Variants in RUSC2 observed in about 807,000 individuals in gnomAD.
RUSC2 encodes RUN and SH3 domain containing 2, also known as AP-4 complex accessory subunit RUSC2.
Under a neutral mutation model 122.2 loss-of-function variants are expected in RUSC2, and 34 were observed. The observed-to-expected ratio is 0.28, with a 90% CI of 0.21 to 0.37. The LOEUF (loss-of-function observed/expected upper bound fraction) is 0.37, where lower values mean the gene tolerates loss of function less well. Ranked by LOEUF, RUSC2 falls within the 10% of genes least tolerant of loss-of-function variation. The pLI, the probability that RUSC2 is intolerant of heterozygous loss-of-function variation, is 1.00. For synonymous variants in RUSC2, 784 were observed against 790.0 expected (o/e 0.99, Z 0.13); for missense variants, 1,747 against 1,952.4 (o/e 0.89, Z 1.98).
intron 2 of RUSC2, among the ~76,000 whole-genome samples, chr9:35,552,651 C>T (rs1053262590): frequency 1.3e-5 from 2 of 152,118 alleles, no homozygotes; most frequent in Admixed American, 1.3e-4. Flanking sequence ...CTCACTCCTC[C>T]GAACCAGTGA....
chr9:35,561,267 G>A lies in RUSC2; in HGVS notation c.4436G>A (p.Arg1479Gln), dbSNP rs766019007. The A allele has an allele frequency of 8.9e-5, 143 of 1,614,068 alleles. No individual in the cohort carries two copies. The East Asian group carries it at 2.7e-3, about 30-fold the overall frequency. ...GGAGACATCCTACGAGTGCTGGGGC[G>A]AGCTGGAGGAGACTGGCTGCGCTGC... ...HKGDILRVLGRAGGDWLRCSR... is the reference protein window; with the variant it reads ...HKGDILRVLGQAGGDWLRCSR... Residue 1479 changes from arginine to glutamine, a missense_variant, in exon 12 of 12, where the codon CGA becomes CAA. By Grantham distance (43) the Arg-to-Gln change is conservative. Coordinates refer to ENST00000361226, the MANE Select transcript of RUSC2 (RefSeq NM_014806.5).
chr9:35,511,832 T>G (rs1158260318), intron 1 of RUSC2, among the ~76,000 whole-genome samples: 2 of 152,214 alleles, frequency 1.3e-5, no homozygotes, highest in Non-Finnish European at 2.9e-5. Flanking sequence ...AAAAGATATA[T>G]ATCAGGTTTA....
Position 35,546,482 on chromosome 9 carries a change from G to C in RUSC2, c.-40G>C. On this transcript the variant is annotated 5_prime_UTR_variant, in exon 2 of 12. Transcript: ENST00000361226. The surrounding 1 kb of genome is among the most constrained non-coding windows in gnomAD (Gnocchi z 4.3). ...TCTGCCCCACTGGGCTCCAGGGACAGTGTCTGGTGCTGTTGAAGCCCTTAT... is the reference window on the plus strand; with the variant it reads ...TCTGCCCCACTGGGCTCCAGGGACACTGTCTGGTGCTGTTGAAGCCCTTAT... The C allele has an allele frequency of 7.5e-7, 1 of 1,337,106 alleles. No homozygotes were observed. The highest frequency in any genetic ancestry group is 9.7e-7 in the Non-Finnish European group (1 of 1,032,850). The allele number at this position is 1,337,106 out of a possible 1,614,324, so 82.8% of individuals were successfully genotyped here. A position where few individuals can be genotyped will look rare whatever the true frequency, so the allele number is the denominator to read the frequency against.
At chr9:35,496,107 A>C (rs1396426502) in intron 1 of RUSC2, among the ~76,000 whole-genome samples, 3 of 152,146 alleles carry the variant, frequency 2.0e-5, no homozygotes, top group African/African-American at 7.2e-5. Context: ...GTGGTTGAGT[A>C]AGCAGTGGAG....
Position 35,561,147 on chromosome 9 carries a change from G to T in RUSC2, c.4350-34G>T, listed in dbSNP as rs770111335. 1.2e-5 allele frequency: 20 copies of T among 1,613,270 alleles called. No individual in the cohort carries two copies. In the Admixed American group the frequency reaches 3.0e-4, roughly 24 times the overall value. On this transcript the variant is annotated intron_variant, in intron 11 of 11. Coordinates refer to ENST00000361226, the MANE Select transcript of RUSC2 (RefSeq NM_014806.5). ...TGAGGGGGGCGGGGGGCTTTTGAGG[G>T]GGTTTCTCTGACCTCCATGTGCTGT...
chr9:35,561,439 G>T lies in RUSC2; in HGVS notation c.*57G>T. 6.9e-7 allele frequency: 1 copy of T among 1,449,418 alleles called. No homozygotes were observed. 89.8% of individuals were successfully genotyped at this position (1,449,418 alleles called of 1,614,324 possible). A position where few individuals can be genotyped will look rare whatever the true frequency, so the allele number is the denominator to read the frequency against. On this transcript the variant is annotated 3_prime_UTR_variant, in exon 12 of 12. Transcript: ENST00000361226. The stretch of plus-strand genomic sequence containing the variant: ...CTCATAACCCCCAGACTCAGAGCCC[G>T]AGAGCCCTTCCCAAGCCATTGGCTT...
chr9:35,552,625 A>T (rs943640306), intron 2 of RUSC2, among the ~76,000 whole-genome samples: 6 of 152,228 alleles, frequency 3.9e-5, no homozygotes, highest in Non-Finnish European at 7.3e-5. Context: ...CTCCAGAAAG[A>T]AAGAGTGGAT....
chr9:35,537,626 C>T (rs1821556410), intron 1 of RUSC2, among the ~76,000 whole-genome samples: 1 of 152,192 alleles, frequency 6.6e-6, no homozygotes, highest in Non-Finnish European at 1.5e-5. Context: ...ATGGGTGTCA[C>T]AGGGAATAGG....
chr9:35,495,983 G>T (rs911268147), intron 1 of RUSC2, among the ~76,000 whole-genome samples: 5 of 152,040 alleles, frequency 3.3e-5, no homozygotes, highest in South Asian at 2.1e-4. Flanking sequence ...TAGTGTTTAG[G>T]CATACAGCTG....
chr9:35,505,566 T>C lies in RUSC2; in HGVS notation c.-93+15394T>C, dbSNP rs537356494. 3.3e-5 allele frequency among the ~76,000 whole-genome samples: 5 copies of C among 152,300 alleles called. No individual in the cohort carries two copies. In the East Asian group the frequency reaches 5.8e-4, roughly 18 times the overall value. On this transcript the variant is annotated intron_variant, in intron 1 of 11. Transcript: ENST00000361226. ...ACCATAAACTCCATGAGGACAAGAATAGAGTCTTTGAATCCAGGGTCTCTC... is the reference window on the plus strand; with the variant it reads ...ACCATAAACTCCATGAGGACAAGAACAGAGTCTTTGAATCCAGGGTCTCTC...
intron 1 of RUSC2, among the ~76,000 whole-genome samples, chr9:35,516,379 A>G (rs1158757759): frequency 6.6e-6 from 1 of 152,068 alleles, no homozygotes; most frequent in Non-Finnish European, 1.5e-5. Context: ...GCCATACCAC[A>G]TATAGAATGG....
chr9:35,500,710 T>G (rs1276016774), intron 1 of RUSC2, among the ~76,000 whole-genome samples: 1 of 152,242 alleles, frequency 6.6e-6, no homozygotes, highest in Non-Finnish European at 1.5e-5. Flanking sequence ...ATGTGACCAC[T>G]TTGAAGGACA....
chr9:35,490,897 C>T (rs1820553879), intron 1 of RUSC2, among the ~76,000 whole-genome samples: 1 of 152,206 alleles, frequency 6.6e-6, no homozygotes, highest in Non-Finnish European at 1.5e-5. Context: ...CGGTACACTA[C>T]TCATCTTTGT....
intron 1 of RUSC2, among the ~76,000 whole-genome samples, chr9:35,543,369 C>T (rs1821681030): frequency 1.3e-5 from 2 of 152,044 alleles, no homozygotes; most frequent in South Asian, 4.1e-4. Context: ...CTGCAGTGAG[C>T]CATGATCGCA....
At chr9:35,508,292 G>T (rs1042640042) in intron 1 of RUSC2, among the ~76,000 whole-genome samples, 5 of 152,124 alleles carry the variant, frequency 3.3e-5, no homozygotes, top group African/African-American at 1.2e-4. Flanking sequence ...GATCACAATT[G>T]GTTGCTTACT....
At chr9:35,515,998 T>TCAAAAAAAAAAAAAA (rs1821095079) in intron 1 of RUSC2, among the ~76,000 whole-genome samples, 1 of 17,748 alleles carries the variant, frequency 5.6e-5, no homozygotes, top group Non-Finnish European at 1.1e-4. Context: ...GATTCTTGTC[T>TCAAAAAAAAAAAAAA]CAAAAAAAAA....
chr9:35,522,305 C>CT (rs748973182), intron 1 of RUSC2, among the ~76,000 whole-genome samples: 13 of 152,366 alleles, frequency 8.5e-5, no homozygotes, highest in Non-Finnish European at 1.3e-4. Context: ...CCCCATATCT[C>CT]TAACTCCCAA....
chr9:35,553,278 A>G (rs147236292), intron 2 of RUSC2, among the ~76,000 whole-genome samples: 190 of 152,300 alleles, frequency 1.2e-3, no homozygotes, highest in African/African-American at 4.2e-3. Context: ...TGGTGTATGT[A>G]AGAAGCTTCT....
chr9:35,507,659 T>G (rs1381595618), intron 1 of RUSC2: 1 of 232,570 alleles, frequency 4.3e-6, no homozygotes, highest in Admixed American at 4.1e-5. Flanking sequence ...GCAAGGATTC[T>G]CTGTGTGTCT....
Sources: allele counts gnomAD v4.1 joint callset (sites outside exome capture counted in the v4.1 genomes callset), GRCh38; gene constraint gnomAD v4.1.1; non-coding constraint Gnocchi (gnomAD v3.1); transcripts MANE v1.5; gene names NCBI Gene and HGNC (gene_info 2026-07-23, HGNC 2026-07-21).